SCAPER: variants seen among roughly 807,000 people sequenced by gnomAD.
SCAPER encodes S-phase cyclin A associated protein in the ER.
A neutral mutation model predicts 182.2 loss-of-function variants in SCAPER; 98 were observed. That is an observed-to-expected ratio of 0.54 (90% CI 0.46 to 0.64). The LOEUF (loss-of-function observed/expected upper bound fraction) is 0.64. Ranked by LOEUF, SCAPER falls within the 30% of genes least tolerant of loss-of-function variation. The pLI is 0.00. For missense variants in SCAPER, 1,432 were observed against 1,690.0 expected, an observed-to-expected ratio of 0.85 and a Z score of 2.68; for synonymous variants, 605 against 564.6, an observed-to-expected ratio of 1.07 and a Z score of -1.01.
rs959662420 is a variant in SCAPER at position 76,720,676 on chromosome 15, A to C, written c.2165+7919T>G. On this transcript the variant is annotated intron_variant, in intron 17 of 31. Coordinates refer to ENST00000563290, the MANE Select transcript of SCAPER (RefSeq NM_020843.4). ...GTTTTGATTTGCATTTCTCTGATGG[A>C]GAGTGATGATGAGCACTTTTTCATG... is the stretch of plus-strand genomic sequence containing the variant. Among the ~76,000 whole-genome samples, 14 of 152,280 alleles carry C rather than the reference A, an allele frequency of 9.2e-5. 1 individual carries two copies. Among genetic ancestry groups the C allele is most frequent in the Admixed American group, 7.2e-4 (11 of 15,292 alleles).
At chr15:76,609,745 A>G (rs1190626041) in intron 22 of SCAPER, among the ~76,000 whole-genome samples, 1 of 152,214 alleles carries the variant, frequency 6.6e-6, no homozygotes, top group African/African-American at 2.4e-5. Context: ...AAATGGAACT[A>G]TGGTAGTATA....
chr15:76,617,477 T>G (rs2051597656), intron 22 of SCAPER, among the ~76,000 whole-genome samples: 1 of 152,220 alleles, frequency 6.6e-6, no homozygotes, highest in Non-Finnish European at 1.5e-5. Context: ...CCCTGCAGTT[T>G]GACCTGGGCT....
intron 20 of SCAPER, among the ~76,000 whole-genome samples, chr15:76,671,543 G>T (rs2057012006): frequency 6.6e-6 from 1 of 152,162 alleles, no homozygotes; most frequent in African/African-American, 2.4e-5. Flanking sequence ...GCCGAGGTGG[G>T]CAGATCACAA....
At chr15:76,391,739 T>C (rs970250879) in intron 27 of SCAPER, among the ~76,000 whole-genome samples, 4 of 152,248 alleles carry the variant, frequency 2.6e-5, no homozygotes, top group Non-Finnish European at 5.9e-5. Context: ...TCAGGTGCTA[T>C]GTGCCTGACG....
chr15:76,445,786 G>T (rs2047958468), intron 25 of SCAPER, among the ~76,000 whole-genome samples: 1 of 152,120 alleles, frequency 6.6e-6, no homozygotes, highest in Admixed American at 6.5e-5. Flanking sequence ...AAAAAATCAG[G>T]CTTCCAATAC....
chr15:76,777,241 C>T (rs1346372616), intron 8 of SCAPER, among the ~76,000 whole-genome samples: 1 of 151,970 alleles, frequency 6.6e-6, no homozygotes, highest in Non-Finnish European at 1.5e-5. Flanking sequence ...AAAGAACTGC[C>T]CATTGTGAAT....
At chr15:76,444,363 G>A (rs1023543583) in intron 25 of SCAPER, among the ~76,000 whole-genome samples, 4 of 152,128 alleles carry the variant, frequency 2.6e-5, no homozygotes, top group African/African-American at 7.2e-5. Context: ...TTATAAAAGT[G>A]TCTTGAACTT....
intron 26 of SCAPER, among the ~76,000 whole-genome samples, chr15:76,415,541 C>G (rs1411650957): frequency 6.6e-6 from 1 of 152,084 alleles, no homozygotes; most frequent in East Asian, 1.9e-4. Context: ...AATGAATCAG[C>G]TAGATCTATA....
chr15:76,554,921 C>T (rs1794596239), intron 23 of SCAPER, among the ~76,000 whole-genome samples: 1 of 151,820 alleles, frequency 6.6e-6, no homozygotes, highest in South Asian at 2.1e-4. Flanking sequence ...GCTGGGATTA[C>T]AGGCACGTGC....
intron 24 of SCAPER, among the ~76,000 whole-genome samples, chr15:76,497,029 C>G (rs79709490): frequency 6.6e-6 from 1 of 151,380 alleles, no homozygotes; most frequent in East Asian, 1.9e-4. Context: ...CTCAAGAGAG[C>G]TGGAACAATG....
chr15:76,791,935 G>GT (rs1039199231), intron 8 of SCAPER, among the ~76,000 whole-genome samples: 144 of 148,728 alleles, frequency 9.7e-4, no homozygotes, highest in African/African-American at 2.9e-3. Flanking sequence ...CAAATGATTG[G>GT]TTTTTTTTTG....
chr15:76,510,723 T>C (rs903404935), intron 23 of SCAPER, among the ~76,000 whole-genome samples: 3 of 152,210 alleles, frequency 2.0e-5, no homozygotes, highest in Non-Finnish European at 2.9e-5. Context: ...CTACTGGGCA[T>C]CTACCCAGAG....
chr15:76,834,428 A>G (rs2068759632), intron 5 of SCAPER, among the ~76,000 whole-genome samples: 1 of 152,170 alleles, frequency 6.6e-6, no homozygotes, highest in South Asian at 2.1e-4. Flanking sequence ...TTAACATCAT[A>G]CCTAGAGGAA....
intron 23 of SCAPER, among the ~76,000 whole-genome samples, chr15:76,509,546 C>T (rs1168301754): frequency 6.6e-6 from 1 of 152,130 alleles, no homozygotes; most frequent in African/African-American, 2.4e-5. Flanking sequence ...TATAGACTGA[C>T]ACTTTTGTGA....
intron 26 of SCAPER, among the ~76,000 whole-genome samples, chr15:76,427,281 C>A (rs1293760176): frequency 6.6e-6 from 1 of 152,112 alleles, no homozygotes; most frequent in East Asian, 1.9e-4. Flanking sequence ...AAGAGACAAC[C>A]TGCAGAATGG....
At chr15:76,704,097 C>A (rs957488811) in intron 18 of SCAPER, among the ~76,000 whole-genome samples, 1 of 152,076 alleles carries the variant, frequency 6.6e-6, no homozygotes, top group African/African-American at 2.4e-5. Flanking sequence ...TTCATAAGCA[C>A]TGAAATCAAG....
At chr15:76,698,427 G>A (rs997675932) in intron 20 of SCAPER, among the ~76,000 whole-genome samples, 2 of 152,088 alleles carry the variant, frequency 1.3e-5, no homozygotes, top group Non-Finnish European at 2.9e-5. Flanking sequence ...GCTTGTACTG[G>A]ACTAATCTAA....
At chr15:76,706,144 A>C (rs2059252610) in intron 17 of SCAPER, among the ~76,000 whole-genome samples, 160 bp from the exon 18 acceptor site, 1 of 152,184 alleles carries the variant, frequency 6.6e-6, no homozygotes, top group South Asian at 2.1e-4. Flanking sequence ...GTATATTGCT[A>C]ATTAAATATT....
intron 21 of SCAPER, among the ~76,000 whole-genome samples, chr15:76,655,642 C>A (rs11072611): frequency 6.6e-6 from 1 of 151,866 alleles, no homozygotes; most frequent in Admixed American, 6.6e-5. Context: ...GATGAACATG[C>A]GTACAAAAAT....
Sources: allele counts gnomAD v4.1 joint callset (sites outside exome capture counted in the v4.1 genomes callset), GRCh38; gene constraint gnomAD v4.1.1; transcripts MANE v1.5; gene names NCBI Gene and HGNC (gene_info 2026-07-23, HGNC 2026-07-21).